The following ADGRB2 variants were observed in gnomAD, a reference collection of about 807,000 sequenced individuals.
ADGRB2 encodes the protein adhesion G protein-coupled receptor B2, also known as brain-specific angiogenesis inhibitor 2.
ADGRB2 carries 47 observed loss-of-function variants against 178.7 expected under a neutral mutation model. That is an observed-to-expected ratio of 0.26 (90% CI 0.21 to 0.34). ADGRB2 has a LOEUF of 0.34. ADGRB2 is among the 10% of genes least tolerant of loss of function. ADGRB2 has a pLI of 1.00. For synonymous variants in ADGRB2, 870 were observed against 912.4 expected (o/e 0.95, Z 0.84); for missense variants, 1,584 against 2,180.8 (o/e 0.73, Z 5.45).
chr1:31,762,301 A>G (rs1487093807), intron 1 of ADGRB2, among the ~76,000 whole-genome samples: 1 of 152,116 alleles, frequency 6.6e-6, no homozygotes, highest in Admixed American at 6.5e-5. Context: ...ACCAGGACAT[A>G]TCCTGCGCAG....
Position 31,730,975 on chromosome 1 carries a change from T to C in ADGRB2, c.4205A>G (p.Asp1402Gly), listed in dbSNP as rs1480208293. 1.3e-6 allele frequency: 2 copies of C among 1,565,696 alleles called. No individual in the cohort carries two copies. Among genetic ancestry groups the C allele is most frequent in the Non-Finnish European group, 1.7e-6 (2 of 1,152,520 alleles). The change falls in exon 29 of 33, where the codon GAC becomes GGC. Residue 1402 changes from aspartate (D) to glycine (G), a missense_variant. Physicochemically the swap from Asp to Gly is moderately conservative, Grantham distance 94. Transcript: ENST00000373658. ...TEGYPSFLSV[D>G]HSGLGLGPAY... ...AGGGCCCAGCCCCAGGCCCGAGTGG[T>C]CCACGGACAGGAAGCTGGGGTAGCC...
At position 31,728,673 on chromosome 1, in the gene ADGRB2, G is replaced by T. The variant is rs1645121459; in HGVS notation, c.4381-40C>A. On this transcript the variant is annotated intron_variant, in intron 29 of 32. Coordinates refer to ENST00000373658, the MANE Select transcript of ADGRB2 (RefSeq NM_001364857.2). This position sits in a 1 kb window ranked among gnomAD's most constrained non-coding sequence, Gnocchi z 6.7. ...CAAGGAGGCAATGGAGGAGAAGAAA[G>T]CTTTTTACCACCGGCAGGGGCTTTA... 1.2e-6 allele frequency: 2 copies of T among 1,611,610 alleles called. No homozygotes were observed.
At position 31,740,170 on chromosome 1, in the gene ADGRB2, G is replaced by A. The variant is rs1439576208; in HGVS notation, c.1998C>T (p.Phe666=). 1.2e-6 allele frequency: 2 copies of A among 1,613,952 alleles called. No homozygotes were observed. The highest frequency in any genetic ancestry group is 1.7e-6 in the Non-Finnish European group (2 of 1,180,020). The change falls in exon 13 of 33, where the codon TTC becomes TTT. Residue 666 remains phenylalanine, a synonymous_variant. Coordinates refer to ENST00000373658, the MANE Select transcript of ADGRB2 (RefSeq NM_001364857.2). The surrounding 1 kb of genome is among the most constrained non-coding windows in gnomAD (Gnocchi z 5.9). The part of the protein sequence containing the change: ...VPSADDVQRF[F]QVVSFMVDAE... ...CATCCACCATGAAGCTCACCACCTG[G>A]AAGAAGCGCTGAGGAGAGAGCAATG...
In ADGRB2 at chr1:31,741,483, C is replaced by A. The variant is rs1456351249; in HGVS notation, c.1688-4G>T. ...AGACAGCGGCGGCTGGCAGACCCTG[C>A]AGGGCAATAGGACAGAGGTCTGGGC... is the stretch of plus-strand genomic sequence containing the variant. On this transcript the variant is annotated splice_region_variant and splice_polypyrimidine_tract_variant and intron_variant, in intron 10 of 32. Coordinates refer to ENST00000373658, the MANE Select transcript of ADGRB2 (RefSeq NM_001364857.2). This position sits in a 1 kb window ranked among gnomAD's most constrained non-coding sequence, Gnocchi z 6.5. 6.3e-7 allele frequency: 1 copy of A among 1,586,620 alleles called. No individual in the cohort carries two copies. Among genetic ancestry groups the A allele is most frequent in the African/African-American group, 1.3e-5 (1 of 74,682 alleles).
At chr1:31,731,866 C>G (rs1645302817) in intron 28 of ADGRB2, among the ~76,000 whole-genome samples, 1 of 152,198 alleles carries the variant, frequency 6.6e-6, no homozygotes, top group Non-Finnish European at 1.5e-5. Context: ...CCTAAGCCCC[C>G]CACCTGCCCT....
chr1:31,738,285 G>A lies in ADGRB2; in HGVS notation c.2687C>T (p.Thr896Ile), dbSNP rs765300646. 9.3e-6 allele frequency: 15 copies of A among 1,613,984 alleles called. No homozygotes were observed. The highest frequency in any genetic ancestry group is 1.7e-5 in the Admixed American group (1 of 59,996). The change falls in exon 18 of 33, where the codon ACC becomes ATC. Residue 896 changes from threonine to isoleucine, a missense_variant. This residue lies in a region of ADGRB2 where 865 missense variants were observed against 1,192.8 expected (regional missense o/e 0.73). Transcript: ENST00000373658. ...SGDWDTENCQ[T>I]LETQAAHTRC... is the part of the protein sequence containing the mutation. ...GGTGTGAGCTGCCTGGGTCTCCAGGGTCTGGCAATTTTCAGTGTCCCAGTC... is the reference window on the plus strand; with the variant it reads ...GGTGTGAGCTGCCTGGGTCTCCAGGATCTGGCAATTTTCAGTGTCCCAGTC...
Position 31,742,950 on chromosome 1 carries a change from G to A in ADGRB2, c.1140C>T (p.Cys380=), listed in dbSNP as rs747989174. Residue 380 remains cysteine (C), a synonymous_variant, in exon 7 of 33, where the codon TGC becomes TGT. Transcript: ENST00000373658. ...WGSWSLCSRS[C]GRGSRSRMRT... ...GCATCCGGCTCCGGGACCCCCGCCC[G>A]CAGCTGCGGGAGCACAGGCTCCAGG... 2.1e-4 allele frequency: 326 copies of A among 1,537,042 alleles called. 1 individual carries two copies. The African/African-American group carries it at 2.1e-3, about 10-fold the overall frequency.
chr1:31,751,610 C>T (rs1471559756), intron 4 of ADGRB2, among the ~76,000 whole-genome samples: 2 of 152,182 alleles, frequency 1.3e-5, no homozygotes, highest in African/African-American at 2.4e-5. Context: ...GCTTTGTTTT[C>T]ACTGTGGTTG....
At chr1:31,731,520 A>G (rs1645283986) in intron 28 of ADGRB2, 101 bp from the exon 29 acceptor site, 8 of 1,416,994 alleles carry the variant, frequency 5.6e-6, no homozygotes, top group Non-Finnish European at 7.6e-6. Context: ...GCGCTTGGAC[A>G]GGAAAGGAAA....
At position 31,731,331 on chromosome 1, in the gene ADGRB2, C is replaced by T. The variant is rs774935465; in HGVS notation, c.3849G>A (p.Lys1283=). ...TGCCCTCAGGGCCCACGAGGCAGGA[C>T]TTGGGCTCCTCATCCTCATCCAGGG... The part of the protein sequence containing the change: ...RLSLDEDEEP[K]SCLVGPEGSL... Residue 1283 remains lysine, a synonymous_variant, in exon 29 of 33, where the codon AAG becomes AAA. Coordinates refer to ENST00000373658, the MANE Select transcript of ADGRB2 (RefSeq NM_001364857.2). 6.2e-7 allele frequency: 1 copy of T among 1,612,954 alleles called. No homozygotes were observed.
chr1:31,759,377 C>A lies in ADGRB2; in HGVS notation c.-190-1866G>T. 2 of 779,694 alleles carry A rather than the reference C, an allele frequency of 2.6e-6. No homozygotes were observed. The highest frequency in any genetic ancestry group is 4.8e-6 in the Non-Finnish European group (2 of 417,940). The allele number at this position is 779,694 out of a possible 1,614,324, so 48.3% of individuals were successfully genotyped here. A position where few individuals can be genotyped will look rare whatever the true frequency, so the allele number is the denominator to read the frequency against. ...TGACAGCTAAGTGTCAGGCAGGATC[C>A]TCTGCGGGGTCTTCCTTTGCATGTC... On this transcript the variant is annotated intron_variant, in intron 1 of 32. Transcript: ENST00000373658. This position sits in a 1 kb window ranked among gnomAD's most constrained non-coding sequence, Gnocchi z 4.3.
Position 31,744,657 on chromosome 1 carries a change from C to A in ADGRB2, c.913G>T (p.Ala305Ser), listed in dbSNP as rs1646184906. 3 of 1,614,192 alleles carry A rather than the reference C, an allele frequency of 1.9e-6. No individual in the cohort carries two copies. The highest frequency in any genetic ancestry group is 1.7e-5 in the Admixed American group (1 of 60,032). ...RSADEPGLYM[A>S]QTGDPAAEEW... ...GGCGGGCCCGAGTTACCTGTCTGCG[C>A]CATGTATAGCCCAGGCTCATCTGCA... The change falls in exon 5 of 33, where the codon GCG becomes TCG. Residue 305 changes from alanine to serine, a missense_variant. Physicochemically the swap from Ala to Ser is moderately conservative, Grantham distance 99. This residue lies in a region of ADGRB2 where 657 missense variants were observed against 847.6 expected (regional missense o/e 0.78). Transcript: ENST00000373658. The surrounding 1 kb of genome is among the most constrained non-coding windows in gnomAD (Gnocchi z 6.7).
In ADGRB2 at chr1:31,740,893, G is replaced by GCACACACACA. The variant is rs1447252239; in HGVS notation, c.1795-353_1795-352insTGTGTGTGTG. ...GTAATGAGCATGTGTGTGGGCGCGC[G>GCACACACACA]CGCACACACACACACACACACACAC... is the stretch of plus-strand genomic sequence containing the variant. On this transcript the variant is annotated intron_variant, in intron 11 of 32. Coordinates refer to ENST00000373658, the MANE Select transcript of ADGRB2 (RefSeq NM_001364857.2). This position sits in a 1 kb window ranked among gnomAD's most constrained non-coding sequence, Gnocchi z 5.9. Among the ~76,000 whole-genome samples, 39 of 33,754 alleles carry GCACACACACA rather than the reference G, an allele frequency of 1.2e-3. No homozygotes were observed. Among genetic ancestry groups the GCACACACACA allele is most frequent in the African/African-American group, 2.8e-3 (36 of 13,052 alleles). 22.1% of individuals were successfully genotyped at this position (33,754 alleles called of 152,430 possible).
chr1:31,756,550 C>T lies in ADGRB2; in HGVS notation c.287G>A (p.Arg96His), dbSNP rs763588095. The change falls in exon 4 of 33, where the codon CGC (arginine) becomes CAC (histidine). Residue 96 changes from arginine to histidine, a missense_variant. Around this residue, in one of 3 missense-constraint regions of ADGRB2, gnomAD observed 657 missense variants for 847.6 expected, o/e 0.78. Transcript: ENST00000373658. This position sits in a 1 kb window ranked among gnomAD's most constrained non-coding sequence, Gnocchi z 8.5. Reference sequence around the variant, plus strand: ...CAGGTAGTGGTCCAGGGGCAGCAGGCGGGGGGCAAAGTGTGCGCACACCTG... The same window carrying T: ...CAGGTAGTGGTCCAGGGGCAGCAGGTGGGGGGCAAAGTGTGCGCACACCTG... ...QEQVCAHFAPRLLPLDHYLVN... is the reference protein window; with the variant it reads ...QEQVCAHFAPHLLPLDHYLVN... 2.1e-5 allele frequency: 34 copies of T among 1,613,010 alleles called. No homozygotes were observed. The highest frequency in any genetic ancestry group is 2.9e-5 in the Non-Finnish European group (34 of 1,179,524).
chr1:31,761,348 ACT>A lies in ADGRB2; in HGVS notation c.-191+2534_-191+2535del, dbSNP rs1203764032. Reference sequence around the variant, plus strand: ...GCCCTCAGGCCCGGTGGCCCTGCTAACTCTGACCCAAGGCAAAGGGCCCTGGG... The same window carrying A: ...GCCCTCAGGCCCGGTGGCCCTGCTAACTGACCCAAGGCAAAGGGCCCTGGG... On this transcript the variant is annotated intron_variant, in intron 1 of 32. Transcript: ENST00000373658. This position sits in a 1 kb window ranked among gnomAD's most constrained non-coding sequence, Gnocchi z 4.2. Among the ~76,000 whole-genome samples, 6 of 152,250 alleles carry A rather than the reference ACT, an allele frequency of 3.9e-5. No individual in the cohort carries two copies. Among genetic ancestry groups the A allele is most frequent in the Admixed American group, 3.3e-4 (5 of 15,306 alleles).
chr1:31,741,807 C>A lies in ADGRB2; in HGVS notation c.1578G>T (p.Arg526Ser). 1 of 1,592,850 alleles carries A rather than the reference C, an allele frequency of 6.3e-7. No individual in the cohort carries two copies. The highest frequency in any genetic ancestry group is 8.6e-7 in the Non-Finnish European group (1 of 1,165,678). ...GEEVKPCSEKRCPAFHEMCRD... is the reference protein window; with the variant it reads ...GEEVKPCSEKSCPAFHEMCRD... ...GGGTCATTAGGGCAGTACCTGGACA[C>A]CTCTTCTCACTACAAGGCTTCACCT... The change falls in exon 9 of 33, where the codon AGG becomes AGT. Residue 526 changes from arginine (R) to serine (S), a missense_variant. By Grantham distance (110) the Arg-to-Ser change is moderately radical. Coordinates refer to ENST00000373658, the MANE Select transcript of ADGRB2 (RefSeq NM_001364857.2). The surrounding 1 kb of genome is among the most constrained non-coding windows in gnomAD (Gnocchi z 6.5).
At chr1:31,732,375 G>A (rs949564360) in intron 27 of ADGRB2, 142 bp downstream of exon 27, 23 of 1,155,428 alleles carry the variant, frequency 2.0e-5, no homozygotes, top group African/African-American at 6.1e-5. Context: ...ATGCCACCCA[G>A]GTGTTAGTGG....
chr1:31,738,506 G>C, intron 17 of ADGRB2, 81 bp downstream of exon 17: 1 of 1,547,222 alleles, frequency 6.5e-7, no homozygotes, highest in Admixed American at 1.9e-5. Context: ...AATCCCTCTT[G>C]CCTTTTAGGC....
At position 31,741,907 on chromosome 1, in the gene ADGRB2, G is replaced by A. The variant is rs1485994247; in HGVS notation, c.1478C>T (p.Thr493Ile). 6.2e-7 allele frequency: 1 copy of A among 1,611,364 alleles called. No individual in the cohort carries two copies. The highest frequency in any genetic ancestry group is 8.5e-7 in the Non-Finnish European group (1 of 1,178,068). Residue 493 changes from threonine to isoleucine, a missense_variant, in exon 9 of 33, where the codon ACA (threonine) becomes ATA (isoleucine). Physicochemically the swap from Thr to Ile is moderately conservative, Grantham distance 89. Around this residue, in one of 3 missense-constraint regions of ADGRB2, gnomAD observed 657 missense variants for 847.6 expected, o/e 0.78. Transcript: ENST00000373658. The surrounding 1 kb of genome is among the most constrained non-coding windows in gnomAD (Gnocchi z 6.5). ...AWSLCSKTCD[T>I]GWQRRFRMCQ... Reference sequence around the variant, plus strand: ...CATGCGGAAGCGGCGCTGCCAGCCTGTGTCACACGTCTTAGAGCACAGGCT... The same window carrying A: ...CATGCGGAAGCGGCGCTGCCAGCCTATGTCACACGTCTTAGAGCACAGGCT...
Sources: gnomAD v4.1 joint callset for allele counts (sites outside exome capture counted in the v4.1 genomes callset) on GRCh38, gnomAD v4.1.1 for gene constraint, gnomAD v4.1.1 regional missense constraint, Gnocchi (gnomAD v3.1) non-coding constraint, MANE v1.5 for transcripts, NCBI Gene and HGNC (gene_info 2026-07-23, HGNC 2026-07-21) for gene names.